The following TULP4 variants were observed in gnomAD, a reference collection of about 807,000 sequenced individuals.
TULP4 encodes tubby-related protein 4.
In TULP4, 16 loss-of-function variants were observed where a neutral mutation model predicts 129.0. The observed-to-expected ratio is 0.12, with a 90% CI of 0.08 to 0.19. The LOEUF (loss-of-function observed/expected upper bound fraction) is 0.19, where lower values mean the gene tolerates loss of function less well. Among genes scored for constraint, TULP4 ranks in the 10% least tolerant of loss-of-function variants. TULP4 has a pLI of 1.00. For missense variants in TULP4, 1,842 were observed against 2,059.1 expected, an observed-to-expected ratio of 0.89 and a Z score of 2.04; for synonymous variants, 998 against 854.0, an observed-to-expected ratio of 1.17 and a Z score of -2.94.
At position 158,503,761 on chromosome 6, in the gene TULP4, T is replaced by G; in HGVS notation, c.4098T>G (p.Ser1366Arg). 2 of 1,614,000 alleles carry G rather than the reference T, an allele frequency of 1.2e-6. No homozygotes were observed. The change falls in exon 13 of 14, where the codon AGT (serine) becomes AGG (arginine). Residue 1366 changes from serine (S) to arginine (R), a missense_variant. Physicochemically the swap from Ser to Arg is moderately radical, Grantham distance 110. This residue lies in a region of TULP4 where 1,089 missense variants were observed against 987.1 expected (regional missense o/e 1.10). Coordinates refer to ENST00000367097, the MANE Select transcript of TULP4 (RefSeq NM_020245.5). This position sits in a 1 kb window ranked among gnomAD's most constrained non-coding sequence, Gnocchi z 4.3. ...TGAAGAAGGAGGCTAGGACTTTGAG[T>G]GACTTTAATTCCCTAATCTCCAGCC... Reference protein sequence around the residue: ...GKVKKEARTLSDFNSLISSPH... With the variant: ...GKVKKEARTLRDFNSLISSPH...
chr6:158,313,897 T>C lies in TULP4; in HGVS notation c.-120T>C. The stretch of plus-strand genomic sequence containing the variant: ...TAATTAGATTCAGGTCAGTCTTAAT[T>C]AAAGGGGGAAAAAAGCAACGCAAGC... On this transcript the variant is annotated 5_prime_UTR_variant, in exon 1 of 14. Transcript: ENST00000367097. 8.6e-7 allele frequency: 1 copy of C among 1,160,830 alleles called. No homozygotes were observed. The highest frequency in any genetic ancestry group is 1.2e-6 in the Non-Finnish European group (1 of 837,982). The allele number at this position is 1,160,830 out of a possible 1,614,324, so 71.9% of individuals were successfully genotyped here. A position where few individuals can be genotyped will look rare whatever the true frequency, so the allele number is the denominator to read the frequency against.
At chr6:158,499,548 C>T (rs539399253) in intron 12 of TULP4, among the ~76,000 whole-genome samples, 2 of 152,276 alleles carry the variant, frequency 1.3e-5, no homozygotes, top group South Asian at 4.1e-4. Context: ...GTAACTATTT[C>T]ACTAGAGGGT....
At chr6:158,297,139 C>T (rs1210877947) in intron 1 of TULP4, among the ~76,000 whole-genome samples, 4 of 151,994 alleles carry the variant, frequency 2.6e-5, no homozygotes, top group Non-Finnish European at 5.9e-5. Context: ...CGTTTATAGA[C>T]CTCCCCCTAG....
At chr6:158,320,572 C>T (rs926510324) in intron 1 of TULP4, among the ~76,000 whole-genome samples, 3 of 152,002 alleles carry the variant, frequency 2.0e-5, no homozygotes, top group Non-Finnish European at 4.4e-5. Context: ...GCTATGATTA[C>T]AGGTGCCCGC....
intron 1 of TULP4, chr6:158,242,040 T>A: frequency 5.0e-6 from 4 of 795,014 alleles, no homozygotes; most frequent in Middle Eastern, 3.6e-4. Flanking sequence ...TTACATCTAG[T>A]AACCCTACAT....
rs574654614 is a variant in TULP4, at chr6:158,350,420, A to G, written c.252+36152A>G. 9.2e-5 allele frequency among the ~76,000 whole-genome samples: 14 copies of G among 152,302 alleles called. No homozygotes were observed. In the East Asian group the frequency reaches 2.7e-3, roughly 29 times the overall value. The stretch of plus-strand genomic sequence containing the variant: ...TAGCAAGCCGAGATCACGCCACTGC[A>G]CTCCAGCCTGGGCAACATTGAGCAC... On this transcript the variant is annotated intron_variant, in intron 1 of 13. Coordinates refer to ENST00000367097, the MANE Select transcript of TULP4 (RefSeq NM_020245.5).
chr6:158,372,316 T>TC (rs1777092024), intron 1 of TULP4, among the ~76,000 whole-genome samples: 1 of 151,998 alleles, frequency 6.6e-6, no homozygotes, highest in African/African-American at 2.4e-5. Context: ...CTACCTTCCT[T>TC]CTTCTCCAGA....
chr6:158,456,919 A>T (rs191226781), intron 5 of TULP4, among the ~76,000 whole-genome samples: 5 of 152,264 alleles, frequency 3.3e-5, no homozygotes, highest in Non-Finnish European at 5.9e-5. Flanking sequence ...ATATGTAGGC[A>T]ATTTACCTTT....
chr6:158,292,680 A>AAT (rs1218185901), intron 1 of TULP4, among the ~76,000 whole-genome samples: 1 of 152,202 alleles, frequency 6.6e-6, no homozygotes, highest in Non-Finnish European at 1.5e-5. Flanking sequence ...TTATTCAACC[A>AAT]ATACCCTGTT....
intron 6 of TULP4, among the ~76,000 whole-genome samples, chr6:158,473,958 C>T (rs143465123): frequency 0.04 from 6,045 of 152,190 alleles, 157 homozygotes; most frequent in South Asian, 0.077. Context: ...GCTAGGACTA[C>T]AGGTGTGCAC....
chr6:158,372,313 CCTT>C (rs1777091958), intron 1 of TULP4, among the ~76,000 whole-genome samples: 4 of 152,050 alleles, frequency 2.6e-5, no homozygotes, highest in South Asian at 2.1e-4. Flanking sequence ...TAACTACCTT[CCTT>C]CTTCTCCAGA....
chr6:158,413,108 C>T lies in TULP4; in HGVS notation c.296C>T (p.Thr99Met), dbSNP rs937565993. 6.2e-7 allele frequency: 1 copy of T among 1,613,652 alleles called. No individual in the cohort carries two copies. The highest frequency in any genetic ancestry group is 1.3e-5 in the African/African-American group (1 of 74,872). Residue 99 changes from threonine to methionine, a missense_variant, in exon 2 of 14, where the codon ACG becomes ATG. Thr to Met is a moderately conservative substitution (Grantham distance 81). Around this residue, in one of 5 missense-constraint regions of TULP4, gnomAD observed 151 missense variants for 268.7 expected, o/e 0.56. Coordinates refer to ENST00000367097, the MANE Select transcript of TULP4 (RefSeq NM_020245.5). This position sits in a 1 kb window ranked among gnomAD's most constrained non-coding sequence, Gnocchi z 4.9. ...RWNEPYQKLA[T>M]CDADGGIFVW... ...AATGAGCCCTACCAGAAACTGGCCA[C>T]GTGCGATGCGGACGGAGGCATATTC... is the stretch of plus-strand genomic sequence containing the variant.
At position 158,416,235 on chromosome 6, in the gene TULP4, A is replaced by T. The variant is rs572566091; in HGVS notation, c.381+3042A>T. On this transcript the variant is annotated intron_variant, in intron 2 of 13. Coordinates refer to ENST00000367097, the MANE Select transcript of TULP4 (RefSeq NM_020245.5). Reference sequence around the variant, plus strand: ...TCTGCCTCTCCCAGTCCACTGACTCAAATGTTAATCTCCTTTGGCAACACC... The same window carrying T: ...TCTGCCTCTCCCAGTCCACTGACTCTAATGTTAATCTCCTTTGGCAACACC... 3.9e-5 allele frequency among the ~76,000 whole-genome samples: 6 copies of T among 152,288 alleles called. No homozygotes were observed. In the East Asian group the frequency reaches 1.2e-3, roughly 29 times the overall value.
At chr6:158,478,200 A>G (rs534208720) in intron 6 of TULP4, among the ~76,000 whole-genome samples, 76 of 152,316 alleles carry the variant, frequency 5.0e-4, no homozygotes, top group Non-Finnish European at 8.4e-4. Flanking sequence ...AATCCCTGTG[A>G]CACAGTTTAC....
intron 3 of TULP4, among the ~76,000 whole-genome samples, chr6:158,443,527 AT>A (rs1778947642): frequency 6.6e-6 from 1 of 152,202 alleles, no homozygotes; most frequent in African/African-American, 2.4e-5. Context: ...AGCCTGAAAG[AT>A]TTGGAGAAGA....
chr6:158,501,919 T>C lies in TULP4; in HGVS notation c.2256T>C (p.Asn752=). 6.2e-7 allele frequency: 1 copy of C among 1,614,018 alleles called. No homozygotes were observed. Among genetic ancestry groups the C allele is most frequent in the African/African-American group, 1.3e-5 (1 of 74,990 alleles). The change falls in exon 13 of 14, where the codon AAT becomes AAC. Residue 752 remains asparagine (N), a synonymous_variant. Transcript: ENST00000367097. ...ACCCAGTCTCCAACCGGTACTCCAA[T>C]CCTGGACAGGTGATTTTCGGAAGCG... The part of the protein sequence containing the change: ...TQYPVSNRYS[N]PGQVIFGSVE...
chr6:158,367,322 C>T (rs762966517), intron 1 of TULP4, among the ~76,000 whole-genome samples: 4 of 152,164 alleles, frequency 2.6e-5, no homozygotes, highest in Non-Finnish European at 4.4e-5. Context: ...GAGGAGGAGT[C>T]GTCAGCCAGA....
chr6:158,465,284 C>T lies in TULP4; in HGVS notation c.1026+3555C>T, dbSNP rs559419895. Among the ~76,000 whole-genome samples the T allele has an allele frequency of 2.6e-5, 4 of 152,330 alleles. No homozygotes were observed. In the East Asian group the frequency reaches 5.8e-4, roughly 22 times the overall value. ...ATTTTTTTCTGACTGGCTTATTTCACTTAGCATAATGTCCTTAAGGTTCAT... is the reference window on the plus strand; with the variant it reads ...ATTTTTTTCTGACTGGCTTATTTCATTTAGCATAATGTCCTTAAGGTTCAT... On this transcript the variant is annotated intron_variant, in intron 6 of 13. Transcript: ENST00000367097.
chr6:158,459,878 C>G (rs1236393936), intron 5 of TULP4, among the ~76,000 whole-genome samples: 1 of 152,176 alleles, frequency 6.6e-6, no homozygotes, highest in Non-Finnish European at 1.5e-5. Context: ...TTCCTGATCA[C>G]AAGCAGGCTT....
Sources: allele counts gnomAD v4.1 joint callset (sites outside exome capture counted in the v4.1 genomes callset), GRCh38; gene constraint gnomAD v4.1.1; regional missense constraint gnomAD v4.1.1; non-coding constraint Gnocchi (gnomAD v3.1); transcripts MANE v1.5; gene names NCBI Gene and HGNC (gene_info 2026-07-23, HGNC 2026-07-21).